Variants in ZDHHC13 observed in about 807,000 individuals in gnomAD.
ZDHHC13 encodes the protein palmitoyltransferase ZDHHC13.
Under a neutral mutation model 86.0 loss-of-function variants are expected in ZDHHC13, and 85 were observed. That is an observed-to-expected ratio of 0.99 (90% CI 0.83 to 1.18). The LOEUF (loss-of-function observed/expected upper bound fraction) is 1.18. Ranked by LOEUF, ZDHHC13 falls within the 50% of genes most tolerant of loss-of-function variation. The pLI is 0.00. For synonymous variants in ZDHHC13, 263 were observed against 246.4 expected (o/e 1.07, Z -0.63); for missense variants, 711 against 730.2 (o/e 0.97, Z 0.30).
intron 1 of ZDHHC13, among the ~76,000 whole-genome samples, chr11:19,126,025 T>A (rs1275082758): frequency 6.6e-6 from 1 of 152,164 alleles, no homozygotes; most frequent in Non-Finnish European, 1.5e-5. Context: ...AAAGTTAATT[T>A]TACTGTAAAT....
intron 1 of ZDHHC13, among the ~76,000 whole-genome samples, chr11:19,139,241 A>G (rs996832131): frequency 6.6e-6 from 1 of 152,182 alleles, no homozygotes; most frequent in Non-Finnish European, 1.5e-5. Flanking sequence ...TCAACGTACA[A>G]AAATCACAAG....
chr11:19,123,928 A>G (rs1215839108), intron 1 of ZDHHC13, among the ~76,000 whole-genome samples: 8 of 152,192 alleles, frequency 5.3e-5, no homozygotes, highest in South Asian at 2.1e-4. Flanking sequence ...GTAGGGAGAA[A>G]GAACACGTAT....
chr11:19,126,428 C>T (rs924180588), intron 1 of ZDHHC13, among the ~76,000 whole-genome samples: 6 of 147,832 alleles, frequency 4.1e-5, no homozygotes, highest in Non-Finnish European at 9.0e-5. Flanking sequence ...CCTCTGCCTC[C>T]CAGGTTCAAG....
intron 2 of ZDHHC13, among the ~76,000 whole-genome samples, chr11:19,143,449 C>T (rs1293449576): frequency 6.6e-6 from 1 of 152,222 alleles, no homozygotes; most frequent in Admixed American, 6.5e-5. Flanking sequence ...TTTTAAATGA[C>T]ACTAAGCCAA....
intron 10 of ZDHHC13, 92 bp downstream of exon 10, chr11:19,159,132 A>G: frequency 1.2e-6 from 1 of 816,118 alleles, no homozygotes; most frequent in Non-Finnish European, 1.9e-6. Context: ...GAAAAGGCCC[A>G]GGGAATGCAA....
At chr11:19,170,047 T>C (rs1339262887) in intron 14 of ZDHHC13, 12 of 1,053,254 alleles carry the variant, frequency 1.1e-5, no homozygotes, top group Non-Finnish European at 9.1e-6. Flanking sequence ...AGTCCTGTAA[T>C]AGACCCATAG....
At chr11:19,122,921 G>A (rs760679232) in intron 1 of ZDHHC13, among the ~76,000 whole-genome samples, 2 of 152,108 alleles carry the variant, frequency 1.3e-5, no homozygotes, top group South Asian at 2.1e-4. Flanking sequence ...TCATTTTTAG[G>A]TTTTACTTTG....
intron 3 of ZDHHC13, among the ~76,000 whole-genome samples, chr11:19,147,166 C>T (rs1849488431): frequency 6.6e-6 from 1 of 152,178 alleles, no homozygotes; most frequent in African/African-American, 2.4e-5. Context: ...TTACTACTTA[C>T]TTTTAAAATT....
intron 10 of ZDHHC13, among the ~76,000 whole-genome samples, chr11:19,161,615 A>G (rs1849913631): frequency 6.6e-6 from 1 of 151,556 alleles, no homozygotes; most frequent in Non-Finnish European, 1.5e-5. Flanking sequence ...ATAAAATGGA[A>G]CCTTATTGAT....
chr11:19,156,545 C>CAG (rs1849760273), intron 9 of ZDHHC13, among the ~76,000 whole-genome samples: 1 of 152,130 alleles, frequency 6.6e-6, no homozygotes, highest in Non-Finnish European at 1.5e-5. Flanking sequence ...TCATGGTTAA[C>CAG]ACATATAAAC....
Position 19,169,275 on chromosome 11 carries a change from T to C in ZDHHC13, c.1475-1136T>C, listed in dbSNP as rs1297258544. On this transcript the variant is annotated intron_variant, in intron 14 of 16. Coordinates refer to ENST00000446113, the MANE Select transcript of ZDHHC13 (RefSeq NM_019028.3). ...TGTGATATCAGGTGCATGGGATGCA[T>C]CTTTCTTTGCCATCCTAATGAGATG... is the stretch of plus-strand genomic sequence containing the variant. The C allele has an allele frequency of 3.0e-6, 3 of 985,346 alleles. No homozygotes were observed. The Admixed American group carries it at 1.8e-4, about 61-fold the overall frequency. 61.0% of individuals were successfully genotyped at this position (985,346 alleles called of 1,614,324 possible). A position where few individuals can be genotyped will look rare whatever the true frequency, so the allele number is the denominator to read the frequency against.
chr11:19,141,085 G>GA (rs969416285), intron 1 of ZDHHC13, among the ~76,000 whole-genome samples: 2 of 149,338 alleles, frequency 1.3e-5, no homozygotes, highest in Non-Finnish European at 3.0e-5. Flanking sequence ...AAAAAAAAAA[G>GA]AAAAAAAAGT....
intron 10 of ZDHHC13, among the ~76,000 whole-genome samples, chr11:19,162,744 T>C (rs938103007): frequency 1.3e-5 from 2 of 152,294 alleles, no homozygotes; most frequent in African/African-American, 4.8e-5. Flanking sequence ...ATTATGAAAC[T>C]GAACGTATTT....
chr11:19,159,197 C>G (rs528682435), intron 10 of ZDHHC13, among the ~76,000 whole-genome samples, 157 bp downstream of exon 10: 1 of 152,062 alleles, frequency 6.6e-6, no homozygotes, highest in South Asian at 2.1e-4. Flanking sequence ...TGTTGAAAAT[C>G]TACTTGATTC....
At chr11:19,140,746 A>G (rs965461217) in intron 1 of ZDHHC13, among the ~76,000 whole-genome samples, 1 of 152,192 alleles carries the variant, frequency 6.6e-6, no homozygotes, top group African/African-American at 2.4e-5. Flanking sequence ...ATAAAAAATG[A>G]TGAGTTCACG....
At chr11:19,143,787 G>A (rs538608717) in intron 2 of ZDHHC13, among the ~76,000 whole-genome samples, 1 of 152,268 alleles carries the variant, frequency 6.6e-6, no homozygotes, top group South Asian at 2.1e-4. Flanking sequence ...TCACCTTCAT[G>A]GATCTTGTTG....
chr11:19,128,225 G>T (rs1230562349), intron 1 of ZDHHC13, among the ~76,000 whole-genome samples: 1 of 152,050 alleles, frequency 6.6e-6, no homozygotes, highest in African/African-American at 2.4e-5. Context: ...TGTGAATGGG[G>T]TTGCCTTCCT....
At chr11:19,156,070 G>A (rs367978644) in intron 9 of ZDHHC13, 141 bp downstream of exon 9, 17 of 1,069,488 alleles carry the variant, frequency 1.6e-5, no homozygotes, top group African/African-American at 1.2e-4. Flanking sequence ...CGGGTGGATG[G>A]GAGGAAAGGG....
chr11:19,117,136 C>A, upstream of ZDHHC13: 7 of 1,165,656 alleles, frequency 6.0e-6, no homozygotes, highest in Non-Finnish European at 7.3e-6. This position sits in a 1 kb window ranked among gnomAD's most constrained non-coding sequence, Gnocchi z 4.2. Flanking sequence ...ACCGCAGCGG[C>A]GGAGGTGAGG....
Sources: allele counts gnomAD v4.1 joint callset (sites outside exome capture counted in the v4.1 genomes callset), GRCh38; gene constraint gnomAD v4.1.1; non-coding constraint Gnocchi (gnomAD v3.1); transcripts MANE v1.5; gene names NCBI Gene and HGNC (gene_info 2026-07-23, HGNC 2026-07-21).